ATCAY: variants seen among roughly 807,000 people sequenced by gnomAD.
ATCAY encodes the protein ATCAY kinesin light chain interacting caytaxin.
ATCAY carries 22 observed loss-of-function variants against 47.7 expected under a neutral mutation model. That is an observed-to-expected ratio of 0.46 (90% CI 0.33 to 0.66). The LOEUF is 0.66. Among genes scored for constraint, ATCAY ranks in the 30% least tolerant of loss-of-function variants. The pLI is 0.02. For missense variants in ATCAY, 452 were observed against 515.0 expected (o/e 0.88, Z 1.18); for synonymous variants, 216 against 207.6 (o/e 1.04, Z -0.35).
intron 7 of ATCAY, among the ~76,000 whole-genome samples, chr19:3,910,051 T>C (rs2038910360): frequency 1.3e-5 from 2 of 152,154 alleles, no homozygotes; most frequent in Admixed American, 6.6e-5. Context: ...ATCATGCCAC[T>C]GCACTTCAGC....
Position 3,907,617 on chromosome 19 carries a change from G to T in ATCAY, c.359-117G>T. 7.8e-7 allele frequency: 1 copy of T among 1,276,240 alleles called. No homozygotes were observed. The highest frequency in any genetic ancestry group is 1.4e-5 in the South Asian group (1 of 73,524). 79.1% of individuals were successfully genotyped at this position (1,276,240 alleles called of 1,614,324 possible). On this transcript the variant is annotated intron_variant, in intron 4 of 12. Transcript: ENST00000450849. The surrounding 1 kb of genome is among the most constrained non-coding windows in gnomAD (Gnocchi z 5.1). ...GCAGGGCAGCCAGGTGGGGAGAAGCGAAGGACTTGTGGGTCCCGGCAGCGA... is the reference window on the plus strand; with the variant it reads ...GCAGGGCAGCCAGGTGGGGAGAAGCTAAGGACTTGTGGGTCCCGGCAGCGA...
chr19:3,917,861 T>G, intron 10 of ATCAY, 84 bp downstream of exon 10: 1 of 1,491,874 alleles, frequency 6.7e-7, no homozygotes, highest in East Asian at 2.3e-5. Context: ...ACCCGGTGAC[T>G]TCTGGGCAGC....
chr19:3,920,253 G>A (rs1469517798), intron 11 of ATCAY: 1 of 152,440 alleles, frequency 6.6e-6, no homozygotes, highest in Non-Finnish European at 1.5e-5. Context: ...GCTGAGGTGG[G>A]AGGATCACTT....
chr19:3,901,365 A>G (rs1162674404), intron 2 of ATCAY, among the ~76,000 whole-genome samples: 1 of 152,084 alleles, frequency 6.6e-6, no homozygotes, highest in Non-Finnish European at 1.5e-5. Flanking sequence ...TCAATATTTC[A>G]TTATTTATTT....
intron 2 of ATCAY, among the ~76,000 whole-genome samples, chr19:3,891,344 C>T (rs1053691139): frequency 6.6e-6 from 1 of 151,924 alleles, no homozygotes; most frequent in Non-Finnish European, 1.5e-5. Context: ...GAGCCACGCG[C>T]CCGGCCTCCT....
chr19:3,924,917 T>A lies in ATCAY; in HGVS notation c.*325T>A. On this transcript the variant is annotated 3_prime_UTR_variant, in exon 13 of 13. Coordinates refer to ENST00000450849, the MANE Select transcript of ATCAY (RefSeq NM_033064.5). ...CCCGCGTGGCGTCGGTGGCCTCCGC[T>A]CCTGCTCGCAGCCTCTGTGGTCAGA... 2 of 350,044 alleles carry A rather than the reference T, an allele frequency of 5.7e-6. No individual in the cohort carries two copies. The highest frequency in any genetic ancestry group is 1.1e-5 in the Non-Finnish European group (2 of 188,296). The allele number at this position is 350,044 out of a possible 1,614,324, so 21.7% of individuals were successfully genotyped here. A position where few individuals can be genotyped will look rare whatever the true frequency, so the allele number is the denominator to read the frequency against.
chr19:3,920,909 A>G, intron 12 of ATCAY, 111 bp downstream of exon 12: 2 of 1,310,898 alleles, frequency 1.5e-6, no homozygotes, highest in Non-Finnish European at 2.1e-6. Context: ...GCCAGCAAAT[A>G]TAAAGCAGGC....
intron 1 of ATCAY, 23 bp from the exon 2 acceptor site, chr19:3,885,704 A>G: frequency 1.4e-6 from 2 of 1,435,382 alleles, no homozygotes; most frequent in Non-Finnish European, 1.9e-6. Context: ...AGTAAAACCC[A>G]TTCCTCTGCG....
Position 3,907,780 on chromosome 19 carries a change from G to A in ATCAY, c.405G>A (p.Ala135=), listed in dbSNP as rs202077180. 262 of 1,614,044 alleles carry A rather than the reference G, an allele frequency of 1.6e-4. No individual in the cohort carries two copies. Among genetic ancestry groups the A allele is most frequent in the Middle Eastern group, 3.3e-4 (2 of 6,062 alleles). ...CCAAGAACATGCCCGGGGACAGCGC[G>A]GATCTATTTGGGGACGGCACGACGG... ...ATAKNMPGDS[A]DLFGDGTTED... is the part of the protein sequence containing the mutation. Residue 135 remains alanine, a synonymous_variant, in exon 5 of 13, where the codon GCG becomes GCA. Coordinates refer to ENST00000450849, the MANE Select transcript of ATCAY (RefSeq NM_033064.5). This position sits in a 1 kb window ranked among gnomAD's most constrained non-coding sequence, Gnocchi z 5.1.
In ATCAY at chr19:3,913,805, T is replaced by G; in HGVS notation, c.914T>G (p.Leu305Arg). The change falls in exon 9 of 13, where the codon CTG (leucine) becomes CGG (arginine). Residue 305 changes from leucine (L) to arginine (R), a missense_variant. By Grantham distance (102) the Leu-to-Arg change is moderately radical. Coordinates refer to ENST00000450849, the MANE Select transcript of ATCAY (RefSeq NM_033064.5). ...CAGTACGTGCACAGCTTGGAAGACC[T>G]GGAGCAACTCATCCCTATGGAACAC... ...KIQYVHSLED[L>R]EQLIPMEHVQ... The G allele has an allele frequency of 3.1e-6, 5 of 1,613,850 alleles. No individual in the cohort carries two copies. The highest frequency in any genetic ancestry group is 4.2e-6 in the Non-Finnish European group (5 of 1,179,848).
chr19:3,891,224 G>A (rs1427830441), intron 2 of ATCAY, among the ~76,000 whole-genome samples: 3 of 151,940 alleles, frequency 2.0e-5, no homozygotes, highest in Admixed American at 2.0e-4. Flanking sequence ...GCTCATTTTT[G>A]TATTTTCGTT....
chr19:3,911,965 A>G (rs1010635541), intron 8 of ATCAY, among the ~76,000 whole-genome samples: 1 of 152,230 alleles, frequency 6.6e-6, no homozygotes, highest in African/African-American at 2.4e-5. Context: ...TACACTAATT[A>G]TGGATCATTT....
chr19:3,891,518 G>A (rs776900028), intron 2 of ATCAY, among the ~76,000 whole-genome samples: 9 of 151,976 alleles, frequency 5.9e-5, no homozygotes, highest in Non-Finnish European at 1.2e-4. Flanking sequence ...CAAGGTGGCA[G>A]CTGGGTTCAT....
intron 1 of ATCAY, among the ~76,000 whole-genome samples, chr19:3,882,121 G>A (rs1444356124): frequency 1.3e-5 from 2 of 152,070 alleles, no homozygotes; most frequent in Non-Finnish European, 2.9e-5. Context: ...TCTATGCTGG[G>A]GGGCTGCAGG....
chr19:3,899,192 T>G (rs2038793518), intron 2 of ATCAY, among the ~76,000 whole-genome samples: 1 of 152,008 alleles, frequency 6.6e-6, no homozygotes, highest in East Asian at 1.9e-4. Context: ...GCAAAAACAT[T>G]TGATGAATAG....
intron 3 of ATCAY, among the ~76,000 whole-genome samples, chr19:3,904,744 C>T (rs539271119): frequency 9.9e-5 from 15 of 152,184 alleles, no homozygotes; most frequent in South Asian, 4.1e-4. Flanking sequence ...GGCCTGACAT[C>T]GTTACAGGAT....
chr19:3,885,941 C>T (rs1480258656), intron 2 of ATCAY, 97 bp downstream of exon 2: 28 of 1,259,910 alleles, frequency 2.2e-5, no homozygotes, highest in South Asian at 6.4e-5. Flanking sequence ...AAGTGGGAAC[C>T]GCCCGGGGCT....
chr19:3,910,801 A>G lies in ATCAY; in HGVS notation c.780-2A>G. The G allele has an allele frequency of 6.2e-7, 1 of 1,613,926 alleles. No individual in the cohort carries two copies. The highest frequency in any genetic ancestry group is 8.5e-7 in the Non-Finnish European group (1 of 1,179,880). ...TCTTGCTTCCTTTGCGGCCCCACACAGGTTGCGGAAAAACCTGAAGTCCTT... is the reference window on the plus strand; with the variant it reads ...TCTTGCTTCCTTTGCGGCCCCACACGGGTTGCGGAAAAACCTGAAGTCCTT... On this transcript the variant is annotated splice_acceptor_variant, in intron 7 of 12. Coordinates refer to ENST00000450849, the MANE Select transcript of ATCAY (RefSeq NM_033064.5). LOFTEE classifies it high-confidence loss of function.
At chr19:3,908,424 CCA>C in intron 6 of ATCAY, 54 bp downstream of exon 6, 1 of 1,426,868 alleles carries the variant, frequency 7.0e-7, no homozygotes, top group Non-Finnish European at 9.7e-7. Flanking sequence ...GCCTCCCTGG[CCA>C]CAGGGGCACC....
Sources: gnomAD v4.1 joint callset for allele counts (sites outside exome capture counted in the v4.1 genomes callset) on GRCh38, gnomAD v4.1.1 for gene constraint, Gnocchi (gnomAD v3.1) non-coding constraint, MANE v1.5 for transcripts, NCBI Gene and HGNC (gene_info 2026-07-23, HGNC 2026-07-21) for gene names.